The following UNC13B variants were observed in gnomAD, a reference collection of about 807,000 sequenced individuals.
The protein encoded by UNC13B is protein unc-13 homolog B.
In UNC13B, 144 loss-of-function variants were observed where a neutral mutation model predicts 211.0. That is an observed-to-expected ratio of 0.68 (90% CI 0.60 to 0.78). The LOEUF is 0.78. Ranked by LOEUF, UNC13B falls within the 30% of genes least tolerant of loss-of-function variation. The pLI is 0.00. For missense variants in UNC13B, 1,777 were observed against 2,002.0 expected (o/e 0.89, Z 2.14); for synonymous variants, 709 against 725.8 (o/e 0.98, Z 0.37).
At chr9:35,270,160 A>C (rs2131674217) in intron 7 of UNC13B, among the ~76,000 whole-genome samples, 1 of 152,290 alleles carries the variant, frequency 6.6e-6, no homozygotes, top group East Asian at 1.9e-4. Flanking sequence ...ATGGTATTTA[A>C]AAATCAAGAT....
intron 1 of UNC13B, among the ~76,000 whole-genome samples, chr9:35,186,737 C>T (rs1822381948): frequency 6.6e-6 from 1 of 152,002 alleles, no homozygotes; most frequent in Non-Finnish European, 1.5e-5. Flanking sequence ...GTTTACATAG[C>T]ACATGGGGAA....
chr9:35,232,345 C>G (rs1008502276), intron 3 of UNC13B, among the ~76,000 whole-genome samples: 2 of 151,106 alleles, frequency 1.3e-5, no homozygotes, highest in Admixed American at 6.6e-5. Context: ...CACACCTTGG[C>G]TAATGTTTTT....
Position 35,376,121 on chromosome 9 carries a change from C to G in UNC13B, c.9709C>G (p.Pro3237Ala), listed in dbSNP as rs542947932. Residue 3237 changes from proline to alanine, a missense_variant, in exon 15 of 40, where the codon CCA becomes GCA. Transcript: ENST00000635942. ...HNFEVWTATT[P>A]TYCYECEGLL... ...CTTTGAGGTCTGGACGGCCACTACC[C>G]CAACCTACTGCTATGAGTGTGAAGG... The G allele has an allele frequency of 1.9e-6, 3 of 1,614,250 alleles. No homozygotes were observed. The highest frequency in any genetic ancestry group is 2.5e-6 in the Non-Finnish European group (3 of 1,180,044).
At chr9:35,368,721 G>GTT (rs34611015) in intron 12 of UNC13B, among the ~76,000 whole-genome samples, 15,126 of 135,574 alleles carry the variant, frequency 0.11, 895 homozygotes, top group East Asian at 0.31. Context: ...GTCAGTATCT[G>GTT]TTTTTTTTTT....
At chr9:35,203,557 G>A (rs981238312) in intron 1 of UNC13B, among the ~76,000 whole-genome samples, 2 of 152,194 alleles carry the variant, frequency 1.3e-5, no homozygotes, top group African/African-American at 4.8e-5. Flanking sequence ...CCCTTTGAGG[G>A]TAACCCGACC....
intron 12 of UNC13B, among the ~76,000 whole-genome samples, chr9:35,367,494 T>C (rs1346079375): frequency 6.6e-6 from 1 of 152,182 alleles, no homozygotes; most frequent in East Asian, 1.9e-4. Flanking sequence ...AGTTATCCTT[T>C]CTTTTTGTTA....
intron 8 of UNC13B, among the ~76,000 whole-genome samples, chr9:35,299,098 C>T (rs926983368): frequency 4.0e-5 from 6 of 151,890 alleles, no homozygotes; most frequent in Non-Finnish European, 8.8e-5. Context: ...TGGGCCTAGT[C>T]GTGGGTGCCT....
chr9:35,267,137 C>T (rs549533898), intron 7 of UNC13B, among the ~76,000 whole-genome samples: 94 of 152,266 alleles, frequency 6.2e-4, no homozygotes, highest in Non-Finnish European at 9.9e-4. Flanking sequence ...TGTTAGGGCA[C>T]TGGTGAAGCA....
intron 7 of UNC13B, among the ~76,000 whole-genome samples, chr9:35,293,793 C>T (rs896480329): frequency 5.3e-5 from 8 of 152,192 alleles, no homozygotes; most frequent in Non-Finnish European, 8.8e-5. Flanking sequence ...GCTACTCCTG[C>T]CCTGGTCAGT....
intron 13 of UNC13B, 95 bp downstream of exon 13, chr9:35,370,491 A>C: frequency 8.7e-7 from 1 of 1,149,548 alleles, no homozygotes. Flanking sequence ...CGTCCATTTA[A>C]TGACTCAAAT....
intron 10 of UNC13B, 51 bp downstream of exon 10, chr9:35,310,832 C>A: frequency 6.6e-7 from 1 of 1,526,012 alleles, no homozygotes; most frequent in Non-Finnish European, 8.9e-7. Context: ...AGTACCTGCC[C>A]TGTGGTATTG....
rs576767941 is a variant in UNC13B at position 35,277,637 on chromosome 9, G to A, written c.527-18059G>A. 1.5e-3 allele frequency among the ~76,000 whole-genome samples: 223 copies of A among 152,096 alleles called. 1 individual carries two copies. Among genetic ancestry groups the A allele is most frequent in the Middle Eastern group, 6.8e-3 (2 of 294 alleles). On this transcript the variant is annotated intron_variant, in intron 7 of 39. Transcript: ENST00000635942. The stretch of plus-strand genomic sequence containing the variant: ...TTTTCTCGGGGGGTTCTTGTTCTTA[G>A]TGAGTAGCTATGTAAACCAGGGAGT...
At chr9:35,166,871 AG>A (rs1264275643) in intron 1 of UNC13B, among the ~76,000 whole-genome samples, 1 of 152,120 alleles carries the variant, frequency 6.6e-6, no homozygotes, top group African/African-American at 2.4e-5. Flanking sequence ...GAATGTACAT[AG>A]CATTCTTCAG....
intron 37 of UNC13B, among the ~76,000 whole-genome samples, chr9:35,401,389 G>T (rs1248743374): frequency 6.6e-6 from 1 of 152,200 alleles, no homozygotes; most frequent in Non-Finnish European, 1.5e-5. Flanking sequence ...GAAGAATAGA[G>T]AGCAAAAGAA....
intron 10 of UNC13B, 123 bp downstream of exon 10, chr9:35,310,904 C>G: frequency 2.4e-6 from 2 of 846,188 alleles, no homozygotes; most frequent in Non-Finnish European, 3.6e-6. Flanking sequence ...TTAACACCTC[C>G]AGGCTCAACT....
At chr9:35,254,087 T>C (rs181583406) in intron 6 of UNC13B, among the ~76,000 whole-genome samples, 40 of 152,330 alleles carry the variant, frequency 2.6e-4, no homozygotes, top group Admixed American at 1.6e-3. Context: ...CCATGCACTA[T>C]TCTGTGTTTA....
At chr9:35,351,519 G>C in intron 11 of UNC13B, 2 of 1,232,336 alleles carry the variant, frequency 1.6e-6, no homozygotes, top group Non-Finnish European at 2.0e-6. Context: ...CAAACCCTGA[G>C]GGAGAAAATG....
At chr9:35,186,677 G>A (rs940201831) in intron 1 of UNC13B, among the ~76,000 whole-genome samples, 1 of 152,156 alleles carries the variant, frequency 6.6e-6, no homozygotes, top group East Asian at 1.9e-4. Flanking sequence ...TCTTGAGAAG[G>A]CGGTGTCTGA....
intron 1 of UNC13B, among the ~76,000 whole-genome samples, chr9:35,169,934 T>G (rs1261921955): frequency 1.3e-5 from 2 of 152,228 alleles, no homozygotes; most frequent in African/African-American, 4.8e-5. Context: ...TGTTGGATAC[T>G]TTCTCTGTGC....
Sources: gnomAD v4.1 joint callset for allele counts (sites outside exome capture counted in the v4.1 genomes callset) on GRCh38, gnomAD v4.1.1 for gene constraint, MANE v1.5 for transcripts, NCBI Gene and HGNC (gene_info 2026-07-23, HGNC 2026-07-21) for gene names.